The following HTT variants were observed in gnomAD, a reference collection of about 807,000 sequenced individuals.
HTT encodes the protein huntington disease protein.
Under a neutral mutation model 362.3 loss-of-function variants are expected in HTT, and 104 were observed. The ratio of observed to expected loss-of-function variants is 0.29; its 90% CI spans 0.24 to 0.34. The LOEUF (loss-of-function observed/expected upper bound fraction) is 0.34. Among genes scored for constraint, HTT ranks in the 10% least tolerant of loss-of-function variants. The probability of loss-of-function intolerance (pLI) is 1.00; values close to 1 mark genes in which losing one functional copy is unlikely to be tolerated. For synonymous variants in HTT, 1,577 were observed against 1,548.7 expected (o/e 1.02, Z -0.43); for missense variants, 3,301 against 3,928.6 (o/e 0.84, Z 4.27).
At chr4:3,236,643 C>T (rs1001104590) in intron 64 of HTT, among the ~76,000 whole-genome samples, 8 of 152,040 alleles carry the variant, frequency 5.3e-5, no homozygotes, top group African/African-American at 1.2e-4. Flanking sequence ...GGGGAGCCCA[C>T]GGGGCTGTGG....
At chr4:3,215,703 T>A (rs776553379) in intron 51 of HTT, among the ~76,000 whole-genome samples, 2 of 152,016 alleles carry the variant, frequency 1.3e-5, no homozygotes, top group Non-Finnish European at 1.5e-5. Context: ...AAAATTCCGC[T>A]TTTCCTACAG....
chr4:3,239,624 G>T (rs755874717), intron 66 of HTT, among the ~76,000 whole-genome samples: 14 of 152,210 alleles, frequency 9.2e-5, no homozygotes, highest in Admixed American at 2.0e-4. Context: ...CTGCCGAGTG[G>T]GTGCCCTGCC....
At chr4:3,147,892 A>G in intron 25 of HTT, 113 bp from the exon 26 acceptor site, 1 of 759,652 alleles carries the variant, frequency 1.3e-6, no homozygotes, top group South Asian at 2.0e-5. Flanking sequence ...AATATCAGGC[A>G]CAGATGTCTG....
intron 21 of HTT, 40 bp from the exon 22 acceptor site, chr4:3,140,470 A>G (rs1716290686): frequency 6.2e-7 from 1 of 1,604,686 alleles, no homozygotes; most frequent in Non-Finnish European, 8.5e-7. Context: ...GGTGAGTTTC[A>G]TCTACTTTCT....
chr4:3,209,880 A>C lies in HTT; in HGVS notation c.6345A>C (p.Ala2115=). Residue 2115 remains alanine (A), a synonymous_variant, in exon 47 of 67, where the codon GCA becomes GCC. Transcript: ENST00000355072. ...KSQCWTRSDS[A]LLEGAELVNR... ...AGTGTTGGACCAGGTCAGATTCTGC[A>C]CTGCTGGAAGGTGCAGAGCTGGTGA... 6.2e-7 allele frequency: 1 copy of C among 1,614,184 alleles called. No homozygotes were observed. Among genetic ancestry groups the C allele is most frequent in the Non-Finnish European group, 8.5e-7 (1 of 1,180,004 alleles).
chr4:3,114,893 C>T (rs1280571961), intron 6 of HTT, among the ~76,000 whole-genome samples: 3 of 152,268 alleles, frequency 2.0e-5, no homozygotes, highest in South Asian at 2.1e-4. Flanking sequence ...CTGAGAACTT[C>T]GTGACATTAG....
intron 27 of HTT, among the ~76,000 whole-genome samples, chr4:3,154,992 C>T (rs1258487387): frequency 2.6e-5 from 4 of 151,718 alleles, no homozygotes; most frequent in African/African-American, 9.7e-5. Flanking sequence ...TATTGAATTC[C>T]CATCCATACT....
intron 7 of HTT, among the ~76,000 whole-genome samples, chr4:3,115,867 C>T (rs145161133): frequency 2.6e-5 from 4 of 152,210 alleles, no homozygotes; most frequent in South Asian, 2.1e-4. Flanking sequence ...TATGAAATAA[C>T]GACCTGGCTT....
Position 3,212,161 on chromosome 4 carries a change from T to A in HTT, c.6628+19T>A. The A allele has an allele frequency of 6.4e-7, 1 of 1,572,852 alleles. No individual in the cohort carries two copies. ...CTGTTTGGTAATTAAAATTAAAATT[T>A]ATCTTATTTTTAAAAAGCATTCCAG... On this transcript the variant is annotated intron_variant, in intron 48 of 66. Coordinates refer to ENST00000355072, the MANE Select transcript of HTT (RefSeq NM_001388492.1).
Position 3,141,429 on chromosome 4 carries a change from GAATA to G in HTT, c.2945+779_2945+782del, listed in dbSNP as rs1234689662. Among the ~76,000 whole-genome samples, 16 of 152,218 alleles carry G rather than the reference GAATA, an allele frequency of 1.1e-4. No homozygotes were observed. In the East Asian group the frequency reaches 3.1e-3, roughly 29 times the overall value. On this transcript the variant is annotated intron_variant, in intron 22 of 66. Transcript: ENST00000355072. ...ATCAAATATCAAAGTCATAATTCCT[GAATA>G]AATAACGTCTTTTTTCATGTAAAGA...
chr4:3,100,937 C>G (rs1359227445), intron 3 of HTT, among the ~76,000 whole-genome samples: 3 of 152,198 alleles, frequency 2.0e-5, no homozygotes, highest in African/African-American at 7.2e-5. Context: ...CCAGGTTGCC[C>G]AGGCTGGTCT....
intron 51 of HTT, among the ~76,000 whole-genome samples, 174 bp from the exon 52 acceptor site, chr4:3,217,591 T>C (rs1056340257): frequency 1.3e-5 from 2 of 152,068 alleles, no homozygotes; most frequent in African/African-American, 4.8e-5. Context: ...ATGGGGAGAA[T>C]TGTATGGTAT....
intron 16 of HTT, among the ~76,000 whole-genome samples, 196 bp downstream of exon 16, chr4:3,131,971 T>C (rs529275522): frequency 2.0e-5 from 3 of 152,276 alleles, no homozygotes; most frequent in East Asian, 1.9e-4. Flanking sequence ...ATGAAACCCA[T>C]AGAGGAGAAA....
intron 25 of HTT, among the ~76,000 whole-genome samples, chr4:3,147,382 TA>T: frequency 6.6e-6 from 1 of 152,142 alleles, no homozygotes; most frequent in South Asian, 2.1e-4. Flanking sequence ...TATGGGCTGG[TA>T]GGAAAGAGCA....
intron 26 of HTT, among the ~76,000 whole-genome samples, chr4:3,151,024 G>A (rs1271790834): frequency 6.6e-6 from 1 of 151,248 alleles, no homozygotes; most frequent in Non-Finnish European, 1.5e-5. Flanking sequence ...GGGCGACAGA[G>A]CGAGACTCTG....
rs1359070463 is a variant in HTT at position 3,199,827 on chromosome 4, G to A, written c.5464G>A (p.Ala1822Thr). Reference protein sequence around the residue: ...FYTLDSLNLRARSMITTHPAL... With the variant: ...FYTLDSLNLRTRSMITTHPAL... ...CACCCTGGACAGCTTGAACTTGCGG[G>A]CTCGTTCCATGATCACCACCCACCC... Residue 1822 changes from alanine to threonine, a missense_variant, in exon 41 of 67, where the codon GCT becomes ACT. Around this residue, in one of 4 missense-constraint regions of HTT, gnomAD observed 2,316 missense variants for 2,658.5 expected, o/e 0.87. Coordinates refer to ENST00000355072, the MANE Select transcript of HTT (RefSeq NM_001388492.1). The A allele has an allele frequency of 1.2e-6, 2 of 1,614,066 alleles. No homozygotes were observed. The highest frequency in any genetic ancestry group is 2.2e-5 in the East Asian group (1 of 44,886).
intron 54 of HTT, 91 bp from the exon 55 acceptor site, chr4:3,223,315 C>A: frequency 1.6e-6 from 2 of 1,273,704 alleles, no homozygotes; most frequent in Non-Finnish European, 2.1e-6. Flanking sequence ...TCCTCTTCCT[C>A]CCATTGAGGC....
At chr4:3,211,379 A>G (rs1720152830) in intron 47 of HTT, among the ~76,000 whole-genome samples, 1 of 152,264 alleles carries the variant, frequency 6.6e-6, no homozygotes, top group South Asian at 2.1e-4. Context: ...TTTTCTGAGT[A>G]TTAAACTAAG....
chr4:3,143,586 C>T (rs976543559), intron 23 of HTT, among the ~76,000 whole-genome samples: 1 of 150,624 alleles, frequency 6.6e-6, no homozygotes, highest in Non-Finnish European at 1.5e-5. Flanking sequence ...TACATTTTTA[C>T]ATTTTTATTT....
Sources: gnomAD v4.1 joint callset for allele counts (sites outside exome capture counted in the v4.1 genomes callset) on GRCh38, gnomAD v4.1.1 for gene constraint, gnomAD v4.1.1 regional missense constraint, MANE v1.5 for transcripts, NCBI Gene and HGNC (gene_info 2026-07-23, HGNC 2026-07-21) for gene names.